Variants in GPR158 observed in about 807,000 individuals in gnomAD.
GPR158 encodes the protein G protein-coupled receptor 158, also known as metabotropic glycine receptor.
Under a neutral mutation model 78.2 loss-of-function variants are expected in GPR158, and 30 were observed. The observed-to-expected ratio is 0.38, with a 90% CI of 0.29 to 0.52. GPR158 has a LOEUF of 0.52. Ranked by LOEUF, GPR158 falls within the 20% of genes least tolerant of loss-of-function variation. The pLI is 0.83. For synonymous variants in GPR158, 581 were observed against 591.1 expected, an observed-to-expected ratio of 0.98 and a Z score of 0.25; for missense variants, 1,463 against 1,523.5, an observed-to-expected ratio of 0.96 and a Z score of 0.66.
At chr10:25,223,230 G>A (rs1853324541) in intron 2 of GPR158, among the ~76,000 whole-genome samples, 1 of 152,162 alleles carries the variant, frequency 6.6e-6, no homozygotes, top group East Asian at 1.9e-4. Flanking sequence ...TGTAGAAAGA[G>A]GCTGAGTGAT....
intron 5 of GPR158, among the ~76,000 whole-genome samples, chr10:25,519,202 CT>C (rs1311824015): frequency 9.5e-6 from 1 of 105,114 alleles, no homozygotes; most frequent in Non-Finnish European, 2.0e-5. Context: ...CAACCCCTGC[CT>C]TTTTTTGTTT....
intron 3 of GPR158, among the ~76,000 whole-genome samples, chr10:25,398,293 T>C (rs934119995): frequency 3.9e-5 from 6 of 152,216 alleles, no homozygotes; most frequent in African/African-American, 1.4e-4. Flanking sequence ...AAATATACAA[T>C]AGCAATCCTG....
intron 2 of GPR158, among the ~76,000 whole-genome samples, chr10:25,331,316 G>A (rs776565914): frequency 1.3e-5 from 2 of 152,146 alleles, no homozygotes; most frequent in Non-Finnish European, 2.9e-5. Context: ...ATCTGCCACT[G>A]GTAAGGGAAA....
At chr10:25,509,289 T>G (rs1057399745) in intron 5 of GPR158, among the ~76,000 whole-genome samples, 1 of 152,194 alleles carries the variant, frequency 6.6e-6, no homozygotes, top group Non-Finnish European at 1.5e-5. Flanking sequence ...ATAGAGTAAG[T>G]GTCCCCTGAA....
At chr10:25,333,013 G>T (rs1449101264) in intron 2 of GPR158, among the ~76,000 whole-genome samples, 2 of 152,052 alleles carry the variant, frequency 1.3e-5, no homozygotes, top group Non-Finnish European at 2.9e-5. Flanking sequence ...TGGGCATTTG[G>T]GATCAAGTTT....
At chr10:25,390,214 C>T (rs548106056) in intron 2 of GPR158, among the ~76,000 whole-genome samples, 7 of 152,134 alleles carry the variant, frequency 4.6e-5, no homozygotes, top group African/African-American at 1.2e-4. Context: ...AAATTGGTAC[C>T]GGTAGAGGGG....
intron 2 of GPR158, among the ~76,000 whole-genome samples, chr10:25,341,532 A>G (rs1201299767): frequency 6.6e-6 from 1 of 151,980 alleles, no homozygotes; most frequent in African/African-American, 2.4e-5. Flanking sequence ...ATGGATCCAA[A>G]AAAGGAATCC....
intron 2 of GPR158, among the ~76,000 whole-genome samples, chr10:25,294,356 C>T (rs896189689): frequency 5.3e-5 from 8 of 151,960 alleles, no homozygotes; most frequent in African/African-American, 1.7e-4. Context: ...AATTTTAATA[C>T]TTTATTGTAA....
chr10:25,466,461 A>G, intron 4 of GPR158, 190 bp from the exon 5 acceptor site: 1 of 481,718 alleles, frequency 2.1e-6, no homozygotes, highest in Non-Finnish European at 3.7e-6. Flanking sequence ...AAGCCTATCA[A>G]CACCTTTATA....
intron 4 of GPR158, chr10:25,466,073 G>A (rs1835417311): frequency 6.6e-6 from 1 of 152,174 alleles, no homozygotes; most frequent in South Asian, 2.1e-4. Flanking sequence ...TAATTCTACA[G>A]GACAGAAAAA....
chr10:25,282,606 C>T (rs1044620447), intron 2 of GPR158, among the ~76,000 whole-genome samples: 4 of 152,176 alleles, frequency 2.6e-5, no homozygotes, highest in African/African-American at 7.2e-5. Flanking sequence ...CTGAGAGTTC[C>T]GTTCGTTTTG....
chr10:25,372,412 T>C (rs2130551828), intron 2 of GPR158, among the ~76,000 whole-genome samples: 1 of 149,108 alleles, frequency 6.7e-6, no homozygotes, highest in Middle Eastern at 3.4e-3. Flanking sequence ...TGCACACATA[T>C]GTTTATTGCG....
At chr10:25,535,412 T>G (rs1414973264) in intron 5 of GPR158, among the ~76,000 whole-genome samples, 2 of 152,214 alleles carry the variant, frequency 1.3e-5, no homozygotes, top group African/African-American at 4.8e-5. Context: ...GAGAATGGCC[T>G]CCAACCCACA....
intron 8 of GPR158, among the ~76,000 whole-genome samples, chr10:25,591,357 G>A (rs1837338318): frequency 6.6e-6 from 1 of 152,126 alleles, no homozygotes; most frequent in African/African-American, 2.4e-5. Flanking sequence ...TTTTTCTACT[G>A]ATTCAAGGTG....
intron 2 of GPR158, among the ~76,000 whole-genome samples, chr10:25,378,680 A>G (rs1317537150): frequency 6.6e-6 from 1 of 152,132 alleles, no homozygotes; most frequent in Non-Finnish European, 1.5e-5. Flanking sequence ...GGATTTCAGC[A>G]TGCATCCTTA....
intron 1 of GPR158, among the ~76,000 whole-genome samples, chr10:25,180,259 A>G (rs1303407550): frequency 6.6e-6 from 1 of 152,192 alleles, no homozygotes; most frequent in Non-Finnish European, 1.5e-5. Context: ...TTGAGCATCT[A>G]TATGCATTAG....
At chr10:25,433,694 C>CTTTTTTTTTTTTTTTTTT (rs3082190) in intron 4 of GPR158, among the ~76,000 whole-genome samples, 2 of 109,850 alleles carry the variant, frequency 1.8e-5, no homozygotes, top group African/African-American at 3.5e-5. Flanking sequence ...TTCTTTCTTT[C>CTTTTTTTTTTTTTTTTTT]TTTTTTTTTT....
chr10:25,544,784 G>A (rs1386612576), intron 5 of GPR158, among the ~76,000 whole-genome samples: 2 of 152,084 alleles, frequency 1.3e-5, no homozygotes, highest in East Asian at 1.9e-4. Flanking sequence ...AGGTATACAC[G>A]TGCCATGGTG....
chr10:25,388,101 T>A (rs973178505), intron 2 of GPR158, among the ~76,000 whole-genome samples: 1 of 152,236 alleles, frequency 6.6e-6, no homozygotes, highest in Non-Finnish European at 1.5e-5. Context: ...TGGATTTGAT[T>A]GTGAGTTCTT....
Sources: gnomAD v4.1 joint callset for allele counts (sites outside exome capture counted in the v4.1 genomes callset) on GRCh38, gnomAD v4.1.1 for gene constraint, MANE v1.5 for transcripts, NCBI Gene and HGNC (gene_info 2026-07-23, HGNC 2026-07-21) for gene names.